The following CBLB variants were observed in gnomAD, a reference collection of about 807,000 sequenced individuals.
The protein encoded by CBLB is E3 ubiquitin-protein ligase CBL-B.
Under a neutral mutation model 104.9 loss-of-function variants are expected in CBLB, and 31 were observed. The ratio of observed to expected loss-of-function variants is 0.30; its 90% confidence interval spans 0.22 to 0.40. The LOEUF (loss-of-function observed/expected upper bound fraction) is 0.40. CBLB is among the 10% of genes least tolerant of loss of function. The probability of loss-of-function intolerance (pLI) is 1.00; values close to 1 mark genes in which losing one functional copy is unlikely to be tolerated. For missense variants in CBLB, 1,062 were observed against 1,214.6 expected, an observed-to-expected ratio of 0.87 and a Z score of 1.87; for synonymous variants, 440 against 422.6, an observed-to-expected ratio of 1.04 and a Z score of -0.51.
rs542722618 is a variant in CBLB, at chr3:105,817,129, T to C, written c.419+36285A>G. Reference sequence around the variant, plus strand: ...TAGTAGTGAGAAATAAGACGGCATATGTAAAATAAACCAGATTAAAAAGAA... The same window carrying C: ...TAGTAGTGAGAAATAAGACGGCATACGTAAAATAAACCAGATTAAAAAGAA... On this transcript the variant is annotated intron_variant, in intron 3 of 18. Coordinates refer to ENST00000394030, the MANE Select transcript of CBLB (RefSeq NM_170662.5). Among the ~76,000 whole-genome samples the C allele has an allele frequency of 4.6e-5, 7 of 152,236 alleles. No individual in the cohort carries two copies. The East Asian group carries it at 7.7e-4, about 17-fold the overall frequency.
chr3:105,659,253 T>G, intron 18 of CBLB, 24 bp from the exon 19 acceptor site: 2 of 1,607,294 alleles, frequency 1.2e-6, no homozygotes, highest in South Asian at 2.2e-5. Context: ...TAAAGAGAGA[T>G]ACTATTTAAA....
rs1248311181 is a variant in CBLB, at chr3:105,658,445, T to C, written c.*525A>G. 1 of 226,150 alleles carries C rather than the reference T, an allele frequency of 4.4e-6. No individual in the cohort carries two copies. The highest frequency in any genetic ancestry group is 8.8e-6 in the Non-Finnish European group (1 of 113,550). 14.0% of individuals were successfully genotyped at this position (226,150 alleles called of 1,614,324 possible). On this transcript the variant is annotated 3_prime_UTR_variant, in exon 19 of 19. Coordinates refer to ENST00000394030, the MANE Select transcript of CBLB (RefSeq NM_170662.5). Reference sequence around the variant, plus strand: ...GTTGAAAATCAGAACCTTCAAAGCATCTTGTGAATGAGAGAAATGGAACTG... The same window carrying C: ...GTTGAAAATCAGAACCTTCAAAGCACCTTGTGAATGAGAGAAATGGAACTG...
intron 8 of CBLB, 115 bp downstream of exon 8, chr3:105,737,056 G>A (rs141456738): frequency 4.2e-6 from 2 of 471,926 alleles, no homozygotes; most frequent in Non-Finnish European, 3.8e-6. Flanking sequence ...AATTCCTTAA[G>A]TATATTTTGT....
In CBLB at chr3:105,737,198, T is replaced by A; in HGVS notation, c.1044A>T (p.Thr348=). ...NPDLTGLCEP[T]PHDHIKVTQE... is the part of the protein sequence containing the mutation. ...GTGTAACTTTTATATGGTCATGAGG[T>A]GTAGGTTCACATAATCCAGTTAAAT... The change falls in exon 8 of 19, where the codon ACA becomes ACT. Residue 348 remains threonine (T), a synonymous_variant. Coordinates refer to ENST00000394030, the MANE Select transcript of CBLB (RefSeq NM_170662.5). 6.3e-7 allele frequency: 1 copy of A among 1,590,540 alleles called. No homozygotes were observed. Among genetic ancestry groups the A allele is most frequent in the South Asian group, 1.1e-5 (1 of 89,918 alleles).
chr3:105,775,528 C>G (rs1413057391), intron 4 of CBLB, among the ~76,000 whole-genome samples: 1 of 152,114 alleles, frequency 6.6e-6, no homozygotes, highest in Non-Finnish European at 1.5e-5. Flanking sequence ...TCTATGTAAG[C>G]AGTCACACTT....
intron 4 of CBLB, among the ~76,000 whole-genome samples, chr3:105,767,232 T>C (rs969830561): frequency 6.6e-6 from 1 of 152,152 alleles, no homozygotes; most frequent in Non-Finnish European, 1.5e-5. Flanking sequence ...TTCTACTGTG[T>C]ACCACTTCTT....
upstream of CBLB, chr3:105,869,080 C>A (rs1218618436): frequency 9.5e-7 from 1 of 1,055,454 alleles, no homozygotes; most frequent in Non-Finnish European, 1.2e-6. Flanking sequence ...GGGCCGGGCG[C>A]CGCTGAGCCA....
At chr3:105,716,248 T>C (rs1483894143) in intron 10 of CBLB, among the ~76,000 whole-genome samples, 2 of 152,200 alleles carry the variant, frequency 1.3e-5, no homozygotes, top group Non-Finnish European at 2.9e-5. Flanking sequence ...TTTGATGCTC[T>C]GTGTATATAT....
At chr3:105,695,777 T>C (rs1297388800) in intron 12 of CBLB, among the ~76,000 whole-genome samples, 1 of 151,790 alleles carries the variant, frequency 6.6e-6, no homozygotes, top group African/African-American at 2.4e-5. Context: ...TCATGTTCTG[T>C]GTACTTACGT....
chr3:105,763,179 G>A (rs1441342045), intron 4 of CBLB, among the ~76,000 whole-genome samples: 2 of 152,140 alleles, frequency 1.3e-5, no homozygotes, highest in Non-Finnish European at 1.5e-5. Flanking sequence ...TAACTAACTT[G>A]CTTTTGATTT....
At chr3:105,710,091 G>C (rs963620227) in intron 10 of CBLB, among the ~76,000 whole-genome samples, 4 of 151,742 alleles carry the variant, frequency 2.6e-5, no homozygotes, top group Non-Finnish European at 4.4e-5. Flanking sequence ...TTGTTGATTT[G>C]AAAGTGCTCT....
chr3:105,793,007 TC>T (rs1020572198), intron 3 of CBLB, among the ~76,000 whole-genome samples: 6 of 152,270 alleles, frequency 3.9e-5, no homozygotes, highest in African/African-American at 1.4e-4. Flanking sequence ...CTTATGTATC[TC>T]CTTGTAACTT....
chr3:105,670,015 A>C (rs1339017635), intron 18 of CBLB, among the ~76,000 whole-genome samples: 1 of 152,198 alleles, frequency 6.6e-6, no homozygotes, highest in Non-Finnish European at 1.5e-5. Context: ...GAGTGATCAA[A>C]GATAATATTA....
intron 18 of CBLB, among the ~76,000 whole-genome samples, chr3:105,665,664 CATGA>C (rs2064360445): frequency 6.8e-6 from 1 of 147,148 alleles, no homozygotes. Context: ...AATAAAATAA[CATGA>C]ATATTTATAT....
chr3:105,869,263 T>C (rs897195971), upstream of CBLB: 2 of 795,630 alleles, frequency 2.5e-6, no homozygotes, highest in Non-Finnish European at 3.9e-6. Context: ...ATGAGGGGCC[T>C]GGACTCTCCC....
At chr3:105,854,741 T>G (rs1472703773) in intron 2 of CBLB, among the ~76,000 whole-genome samples, 2 of 152,220 alleles carry the variant, frequency 1.3e-5, no homozygotes, top group East Asian at 3.9e-4. Flanking sequence ...CAAGTGATTC[T>G]CCTGCCTCAG....
At chr3:105,705,874 G>A (rs928834944) in intron 10 of CBLB, among the ~76,000 whole-genome samples, 4 of 152,330 alleles carry the variant, frequency 2.6e-5, no homozygotes, top group Middle Eastern at 3.4e-3. Flanking sequence ...GGTGGCTGAT[G>A]CCTGTAATGC....
chr3:105,743,000 T>A (rs1470708908), intron 6 of CBLB, among the ~76,000 whole-genome samples: 2 of 152,196 alleles, frequency 1.3e-5, no homozygotes, highest in African/African-American at 4.8e-5. Context: ...AGCAATCTGG[T>A]AAGAGCCAAG....
Position 105,655,668 on chromosome 3 carries a change from TTGTC to T in CBLB, c.*3298_*3301del, listed in dbSNP as rs1220500247. The T allele has an allele frequency of 1.0e-5, 2 of 196,964 alleles. No individual in the cohort carries two copies. The highest frequency in any genetic ancestry group is 2.1e-5 in the Non-Finnish European group (2 of 94,914). The allele number at this position is 196,964 out of a possible 1,614,324, so 12.2% of individuals were successfully genotyped here. On this transcript the variant is annotated 3_prime_UTR_variant, in exon 19 of 19. Coordinates refer to ENST00000394030, the MANE Select transcript of CBLB (RefSeq NM_170662.5). Reference sequence around the variant, plus strand: ...AAAACCCTTCACTCTATTGGTGTCTTTGTCTGGAAAACTTTCCCAGAATCACTAA... The same window carrying T: ...AAAACCCTTCACTCTATTGGTGTCTTTGGAAAACTTTCCCAGAATCACTAA...
Sources: gnomAD v4.1 joint callset for allele counts (sites outside exome capture counted in the v4.1 genomes callset) on GRCh38, gnomAD v4.1.1 for gene constraint, MANE v1.5 for transcripts, NCBI Gene and HGNC (gene_info 2026-07-23, HGNC 2026-07-21) for gene names.